NOTCH2: variants seen among roughly 807,000 people sequenced by gnomAD.
The protein encoded by NOTCH2 is neurogenic locus notch homolog protein 2.
A neutral mutation model predicts 235.8 loss-of-function variants in NOTCH2; 29 were observed. The observed-to-expected ratio is 0.12, with a 90% CI of 0.09 to 0.17. The LOEUF (loss-of-function observed/expected upper bound fraction) is 0.17. Among genes scored for constraint, NOTCH2 ranks in the 10% least tolerant of loss-of-function variants. The probability of loss-of-function intolerance (pLI) is 1.00; values close to 1 mark genes in which losing one functional copy is unlikely to be tolerated. For synonymous variants in NOTCH2, 1,086 were observed against 1,141.5 expected (o/e 0.95, Z 0.98); for missense variants, 2,285 against 3,150.2 (o/e 0.73, Z 6.57).
At chr1:120,003,638 A>G (rs1652850384) in intron 3 of NOTCH2, among the ~76,000 whole-genome samples, 1 of 151,760 alleles carries the variant, frequency 6.6e-6, no homozygotes, top group Non-Finnish European at 1.5e-5. Flanking sequence ...AATTTAATAA[A>G]CACTTTTGAA....
rs587631320 is a variant in NOTCH2 at position 120,023,282 on chromosome 1, A to G, written c.155+6624T>C. ...GAAACCCCGTCTCTACTAAAAATAC[A>G]AAAAATTAGCCGGGCGTGGTGGCGG... is the stretch of plus-strand genomic sequence containing the variant. On this transcript the variant is annotated intron_variant, in intron 2 of 33. Coordinates refer to ENST00000256646, the MANE Select transcript of NOTCH2 (RefSeq NM_024408.4). Among the ~76,000 whole-genome samples, 38 of 151,174 alleles carry G rather than the reference A, an allele frequency of 2.5e-4. No homozygotes were observed. The South Asian group carries it at 3.0e-3, about 12-fold the overall frequency.
At chr1:120,003,483 TTAATA>T (rs1476769293) in intron 3 of NOTCH2, among the ~76,000 whole-genome samples, 5 of 151,940 alleles carry the variant, frequency 3.3e-5, no homozygotes, top group Admixed American at 1.3e-4. Flanking sequence ...CAATGAAAAA[TTAATA>T]TAACAGTATT....
intron 3 of NOTCH2, among the ~76,000 whole-genome samples, chr1:120,001,146 C>A (rs1405652992): frequency 9.9e-5 from 15 of 152,094 alleles, no homozygotes; most frequent in Admixed American, 9.8e-4. Context: ...GAGGCCTCCC[C>A]AGCCATATGG....
chr1:119,927,774 C>T (rs954309792), intron 23 of NOTCH2, among the ~76,000 whole-genome samples: 1 of 152,306 alleles, frequency 6.6e-6, no homozygotes, highest in African/African-American at 2.4e-5. Context: ...TTATTCTGTT[C>T]CACATTGCCT....
At chr1:119,928,071 G>T in intron 23 of NOTCH2, among the ~76,000 whole-genome samples, 1 of 152,292 alleles carries the variant, frequency 6.6e-6, no homozygotes, top group East Asian at 1.9e-4. Context: ...GGAAATGCAT[G>T]ATAAATTTCA....
chr1:119,954,912 G>T, intron 13 of NOTCH2, 128 bp downstream of exon 13: 1 of 886,050 alleles, frequency 1.1e-6, no homozygotes, highest in Non-Finnish European at 1.8e-6. Flanking sequence ...CTTTGATGCA[G>T]ACTACCAAAT....
Position 119,923,914 on chromosome 1 carries a change from C to A in NOTCH2, c.4582G>T (p.Gly1528Cys). 1.2e-6 allele frequency: 2 copies of A among 1,614,210 alleles called. No homozygotes were observed. Among genetic ancestry groups the A allele is most frequent in the South Asian group, 2.2e-5 (2 of 91,082 alleles). ...GCAGCACAGTCCAGCCCATCCCAAC[C>A]ACACTCCTCACTGTTGCACCCCTGG... ...CDQGCNSEEC[G>C]WDGLDCAADQ... The change falls in exon 26 of 34, where the codon GGT becomes TGT. Residue 1528 changes from glycine to cysteine, a missense_variant. Physicochemically the swap from Gly to Cys is radical, Grantham distance 159. This residue lies in a region of NOTCH2 where 1,173 missense variants were observed against 1,515.3 expected (regional missense o/e 0.77). Transcript: ENST00000256646.
At chr1:119,969,466 C>T (rs1651277192) in intron 6 of NOTCH2, 45 bp downstream of exon 6, 3 of 1,512,832 alleles carry the variant, frequency 2.0e-6, no homozygotes, top group South Asian at 2.3e-5. Context: ...TCCTGAATGC[C>T]CCCTGCCCCT....
rs587684714 is a variant in NOTCH2, at chr1:119,958,939, G to A, written c.2026+453C>T. Among the ~76,000 whole-genome samples, 47 of 152,158 alleles carry A rather than the reference G, an allele frequency of 3.1e-4. 1 individual carries two copies. Among genetic ancestry groups the A allele is most frequent in the Admixed American group, 2.0e-4 (3 of 15,294 alleles). On this transcript the variant is annotated intron_variant, in intron 12 of 33. Coordinates refer to ENST00000256646, the MANE Select transcript of NOTCH2 (RefSeq NM_024408.4). ...CTCATCCAACAATATTTCAGAAGAC[G>A]AAGTACCCAGAAATAAGCATTCAGT...
At chr1:119,977,203 A>T (rs587747751) in intron 5 of NOTCH2, among the ~76,000 whole-genome samples, 2 of 152,044 alleles carry the variant, frequency 1.3e-5, no homozygotes, top group Non-Finnish European at 2.9e-5. Context: ...AGTTATCCTA[A>T]TCCCAAAATA....
chr1:120,015,946 C>A (rs587708984), intron 2 of NOTCH2, among the ~76,000 whole-genome samples: 8 of 127,738 alleles, frequency 6.3e-5, no homozygotes, highest in East Asian at 4.5e-4. Context: ...CTCAACCCCC[C>A]CTTCTCTCAA....
At chr1:119,927,568 T>C (rs1649516580) in intron 23 of NOTCH2, among the ~76,000 whole-genome samples, 1 of 151,978 alleles carries the variant, frequency 6.6e-6, no homozygotes, top group African/African-American at 2.4e-5. Context: ...GCACAAACAC[T>C]ACTTCCTGGC....
intron 1 of NOTCH2, among the ~76,000 whole-genome samples, chr1:120,034,335 C>CAAAAAA (rs558577685): frequency 1.8e-5 from 1 of 55,776 alleles, no homozygotes; most frequent in Non-Finnish European, 3.0e-5. Context: ...TCTACTCCAC[C>CAAAAAA]AAAAAAAAAA....
Position 120,069,340 on chromosome 1 carries a change from C to T in NOTCH2, c.67G>A (p.Ala23Thr). 8 of 1,569,042 alleles carry T rather than the reference C, an allele frequency of 5.1e-6. No homozygotes were observed. The highest frequency in any genetic ancestry group is 6.9e-6 in the Non-Finnish European group (8 of 1,165,950). Residue 23 changes from alanine to threonine, a missense_variant, in exon 1 of 34, where the codon GCG becomes ACG. Coordinates refer to ENST00000256646, the MANE Select transcript of NOTCH2 (RefSeq NM_024408.4). ...CCCTCAGCCCGATACTCACCATGCG[C>T]GGGGGCCGCGCAGCACAGCCAGAGC... The part of the protein sequence containing the change: ...LALWLCCAAP[A>T]HALQCRDGYE...
intron 2 of NOTCH2, among the ~76,000 whole-genome samples, chr1:120,015,154 A>C (rs1653385597): frequency 6.6e-6 from 1 of 152,220 alleles, no homozygotes; most frequent in Admixed American, 6.5e-5. Flanking sequence ...CAGAATGTGG[A>C]ACGAAGGGGA....
In NOTCH2 at chr1:119,915,030, C is replaced by G. The variant is rs1164842785; in HGVS notation, c.*276G>C. The stretch of plus-strand genomic sequence containing the variant: ...TTCAATAAGCATCCATCTTATTCTC[C>G]AAATAGAAGAGAGTAAACATGGACC... On this transcript the variant is annotated 3_prime_UTR_variant, in exon 34 of 34. Coordinates refer to ENST00000256646, the MANE Select transcript of NOTCH2 (RefSeq NM_024408.4). 1.4e-5 allele frequency: 7 copies of G among 501,386 alleles called. No individual in the cohort carries two copies. The East Asian group carries it at 2.5e-4, about 18-fold the overall frequency. The allele number at this position is 501,386 out of a possible 1,614,324, so 31.1% of individuals were successfully genotyped here.
At chr1:119,923,026 C>T (rs1447346036) in intron 26 of NOTCH2, among the ~76,000 whole-genome samples, 1 of 152,246 alleles carries the variant, frequency 6.6e-6, no homozygotes, top group East Asian at 1.9e-4. Context: ...CCAAAGCCTT[C>T]TGGCTGAGGC....
chr1:120,039,000 T>A lies in NOTCH2; in HGVS notation c.74-9013A>T, dbSNP rs587640931. On this transcript the variant is annotated intron_variant, in intron 1 of 33. Transcript: ENST00000256646. ...AAATGAAAAACAGAAAACAGAGTAA[T>A]AAAAAAATTCCAACTGAATGGGAAA... 2.3e-3 allele frequency among the ~76,000 whole-genome samples: 347 copies of A among 151,894 alleles called. No homozygotes were observed. In the Middle Eastern group the frequency reaches 0.024, roughly 10 times the overall value.
intron 3 of NOTCH2, among the ~76,000 whole-genome samples, chr1:119,999,974 A>AG (rs59189013): frequency 0.042 from 3,129 of 74,860 alleles, 36 homozygotes; most frequent in Non-Finnish European, 0.053. Context: ...AAAGAAAGAA[A>AG]GAAAGGAAGG....
Sources: gnomAD v4.1 joint callset for allele counts (sites outside exome capture counted in the v4.1 genomes callset) on GRCh38, gnomAD v4.1.1 for gene constraint, gnomAD v4.1.1 regional missense constraint, MANE v1.5 for transcripts, NCBI Gene and HGNC (gene_info 2026-07-23, HGNC 2026-07-21) for gene names.